CAND1: variants seen among roughly 807,000 people sequenced by gnomAD.
The protein encoded by CAND1 is cullin associated and neddylation dissociated 1, also known as cullin-associated NEDD8-dissociated protein 1.
A neutral mutation model predicts 108.5 loss-of-function variants in CAND1; 7 were observed. The observed-to-expected ratio is 0.06, with a 90% confidence interval of 0.04 to 0.12. The LOEUF is 0.12. Among genes scored for constraint, CAND1 ranks in the 10% least tolerant of loss-of-function variants. CAND1 has a pLI of 1.00. For synonymous variants in CAND1, 534 were observed against 512.0 expected (o/e 1.04, Z -0.58); for missense variants, 941 against 1,448.7 (o/e 0.65, Z 5.69).
intron 2 of CAND1, among the ~76,000 whole-genome samples, chr12:67,287,856 G>C (rs1592610189): frequency 1.2e-5 from 1 of 82,620 alleles, no homozygotes; most frequent in Non-Finnish European, 2.4e-5. Context: ...TTTTTGATGT[G>C]ATTTTTTTTT....
intron 8 of CAND1, among the ~76,000 whole-genome samples, chr12:67,302,980 C>T (rs953794706): frequency 1.3e-5 from 2 of 152,136 alleles, no homozygotes; most frequent in African/African-American, 4.8e-5. Flanking sequence ...TATTAAACCT[C>T]ACTTTTCTTA....
intron 11 of CAND1, among the ~76,000 whole-genome samples, chr12:67,308,487 A>G (rs2136020311): frequency 6.6e-6 from 1 of 152,248 alleles, no homozygotes; most frequent in East Asian, 1.9e-4. Flanking sequence ...ATCTCTAGAA[A>G]TATCTTTCCA....
At chr12:67,281,061 T>C (rs896815221) in intron 1 of CAND1, among the ~76,000 whole-genome samples, 3 of 151,924 alleles carry the variant, frequency 2.0e-5, no homozygotes, top group African/African-American at 7.2e-5. Context: ...GGCAACATGG[T>C]GAAACCCTAA....
rs1177747982 is a variant in CAND1 at position 67,315,388 on chromosome 12, T to C, written c.*2558T>C. ...ATGGCGTGAACCCAGGAGGCGGAGC[T>C]GGCAGTGAGCCGAGATCACGCCACT... On this transcript the variant is annotated 3_prime_UTR_variant, in exon 15 of 15. Coordinates refer to ENST00000545606, the MANE Select transcript of CAND1 (RefSeq NM_018448.5). 6.6e-5 allele frequency: 9 copies of C among 136,280 alleles called. No homozygotes were observed. The Admixed American group carries it at 7.6e-4, about 11-fold the overall frequency. The allele number at this position is 136,280 out of a possible 1,614,324, so 8.4% of individuals were successfully genotyped here.
chr12:67,313,766 A>C lies in CAND1; in HGVS notation c.*936A>C, dbSNP rs1462605683. 1 of 152,542 alleles carries C rather than the reference A, an allele frequency of 6.6e-6. No homozygotes were observed. The highest frequency in any genetic ancestry group is 2.4e-5 in the African/African-American group (1 of 41,450). 9.4% of individuals were successfully genotyped at this position (152,542 alleles called of 1,614,324 possible). A position where few individuals can be genotyped will look rare whatever the true frequency, so the allele number is the denominator to read the frequency against. On this transcript the variant is annotated 3_prime_UTR_variant, in exon 15 of 15. Transcript: ENST00000545606. ...ATTCTTAAAACCAGATTTTTCTTTC[A>C]TTCCGTTTGGATGTCTACATTCCTT...
At chr12:67,281,805 AT>A in intron 1 of CAND1, 104 bp from the exon 2 acceptor site, 1 of 653,734 alleles carries the variant, frequency 1.5e-6, no homozygotes, top group Non-Finnish European at 2.4e-6. Flanking sequence ...ATAATAAAAG[AT>A]GTTTCTGTTG....
rs1276757063 is a variant in CAND1, at chr12:67,305,661, G to T, written c.1993G>T (p.Ala665Ser). The change falls in exon 10 of 15, where the codon GCT becomes TCT. Residue 665 changes from alanine to serine, a missense_variant. Physicochemically the swap from Ala to Ser is moderately conservative, Grantham distance 99. This residue lies in a region of CAND1 where 697 missense variants were observed against 942.0 expected (regional missense o/e 0.74). Coordinates refer to ENST00000545606, the MANE Select transcript of CAND1 (RefSeq NM_018448.5). The surrounding 1 kb of genome is among the most constrained non-coding windows in gnomAD (Gnocchi z 4.4). ...LASFLRKNQRALKLGTLSALD... is the reference protein window; with the variant it reads ...LASFLRKNQRSLKLGTLSALD... Reference sequence around the variant, plus strand: ...TTCATTTCTTAGAAAAAACCAGAGAGCTTTGAAACTGGGTACTCTTTCTGC... The same window carrying T: ...TTCATTTCTTAGAAAAAACCAGAGATCTTTGAAACTGGGTACTCTTTCTGC... 6.2e-7 allele frequency: 1 copy of T among 1,613,942 alleles called. No individual in the cohort carries two copies. The highest frequency in any genetic ancestry group is 8.5e-7 in the Non-Finnish European group (1 of 1,179,984).
chr12:67,297,327 G>A (rs2136009518), intron 4 of CAND1, 80 bp from the exon 5 acceptor site: 1 of 1,306,816 alleles, frequency 7.7e-7, no homozygotes, highest in East Asian at 2.3e-5. Context: ...TTGCATTGAG[G>A]TCAGAGGCCA....
chr12:67,270,052 T>G, intron 1 of CAND1: 51 of 421,928 alleles, frequency 1.2e-4, no homozygotes, highest in East Asian at 2.9e-4. Context: ...CCCCACATCC[T>G]TCCCTGCCCC....
At chr12:67,287,360 A>G (rs1238961495) in intron 2 of CAND1, among the ~76,000 whole-genome samples, 3 of 152,182 alleles carry the variant, frequency 2.0e-5, no homozygotes, top group Non-Finnish European at 4.4e-5. Flanking sequence ...TAGAGTTGTC[A>G]GCTTTTATTC....
At chr12:67,272,924 T>C (rs2135987253) in intron 1 of CAND1, among the ~76,000 whole-genome samples, 1 of 152,252 alleles carries the variant, frequency 6.6e-6, no homozygotes, top group East Asian at 1.9e-4. Context: ...CTCGATCTTC[T>C]AACCTCGTGA....
At chr12:67,274,204 A>G (rs2044548789) in intron 1 of CAND1, among the ~76,000 whole-genome samples, 1 of 152,122 alleles carries the variant, frequency 6.6e-6, no homozygotes, top group Admixed American at 6.5e-5. Context: ...AGGACTACAA[A>G]AAGTTTAAGA....
chr12:67,277,770 T>C (rs1385085795), intron 1 of CAND1, among the ~76,000 whole-genome samples: 1 of 152,184 alleles, frequency 6.6e-6, no homozygotes, highest in Admixed American at 6.5e-5. Flanking sequence ...AATTTGCAAA[T>C]ATGGAACCTG....
chr12:67,303,071 C>G (rs1358762509), intron 8 of CAND1, among the ~76,000 whole-genome samples: 2 of 152,126 alleles, frequency 1.3e-5, no homozygotes, highest in Non-Finnish European at 2.9e-5. Context: ...CAGTGTAGTG[C>G]CTACTACATA....
intron 1 of CAND1, among the ~76,000 whole-genome samples, chr12:67,281,528 AAG>A (rs778697315): frequency 6.6e-6 from 1 of 152,236 alleles, no homozygotes; most frequent in Non-Finnish European, 1.5e-5. Context: ...AGAAAAAGTA[AAG>A]AGGAACTTTT....
intron 1 of CAND1, among the ~76,000 whole-genome samples, chr12:67,275,313 G>A (rs1201444132): frequency 1.3e-5 from 2 of 152,130 alleles, no homozygotes; most frequent in East Asian, 1.9e-4. Flanking sequence ...GATCATCTGA[G>A]GTCAGGAGTT....
At chr12:67,284,327 A>C (rs970160902) in intron 2 of CAND1, among the ~76,000 whole-genome samples, 1 of 152,132 alleles carries the variant, frequency 6.6e-6, no homozygotes, top group Admixed American at 6.5e-5. Flanking sequence ...AAATGTTCAA[A>C]ATAAAATATA....
chr12:67,302,451 C>T lies in CAND1; in HGVS notation c.1129C>T (p.Pro377Ser). Residue 377 changes from proline (P) to serine (S), a missense_variant, in exon 8 of 15, where the codon CCT becomes TCT. Coordinates refer to ENST00000545606, the MANE Select transcript of CAND1 (RefSeq NM_018448.5). ...MLPEFYKTVS[P>S]ALISRFKERE... ...TCCAGAATTCTACAAGACCGTCTCT[C>T]CTGCACTAATATCCAGATTTAAAGA... 6.2e-7 allele frequency: 1 copy of T among 1,614,078 alleles called. No homozygotes were observed. Among genetic ancestry groups the T allele is most frequent in the Non-Finnish European group, 8.5e-7 (1 of 1,179,974 alleles).
At chr12:67,298,512 T>C (rs2044791271) in intron 6 of CAND1, among the ~76,000 whole-genome samples, 1 of 152,168 alleles carries the variant, frequency 6.6e-6, no homozygotes, top group Non-Finnish European at 1.5e-5. Context: ...CACAAAGTAT[T>C]CTTTTATTTG....
Sources: gnomAD v4.1 joint callset for allele counts (sites outside exome capture counted in the v4.1 genomes callset) on GRCh38, gnomAD v4.1.1 for gene constraint, gnomAD v4.1.1 regional missense constraint, Gnocchi (gnomAD v3.1) non-coding constraint, MANE v1.5 for transcripts, NCBI Gene and HGNC (gene_info 2026-07-23, HGNC 2026-07-21) for gene names.